Variants in TMEM181 observed in about 807,000 individuals in gnomAD.
The protein encoded by TMEM181 is G protein-coupled receptor 178.
TMEM181 carries 39 observed loss-of-function variants against 71.9 expected under a neutral mutation model. The ratio of observed to expected loss-of-function variants is 0.54; its 90% CI spans 0.42 to 0.71. The LOEUF (loss-of-function observed/expected upper bound fraction) is 0.71. Ranked by LOEUF, TMEM181 falls within the 30% of genes least tolerant of loss-of-function variation. The pLI is 0.00. For missense variants in TMEM181, 595 were observed against 583.0 expected, an observed-to-expected ratio of 1.02 and a Z score of -0.21; for synonymous variants, 245 against 228.8, an observed-to-expected ratio of 1.07 and a Z score of -0.64.
At chr6:158,600,509 G>A (rs1273352432) in intron 6 of TMEM181, among the ~76,000 whole-genome samples, 12 of 122,726 alleles carry the variant, frequency 9.8e-5, no homozygotes, top group African/African-American at 2.5e-4. Flanking sequence ...TTGCTCTGTC[G>A]CCCAGGCTAG....
chr6:158,554,920 G>GTGGGCGAAGATTT (rs931240871), intron 1 of TMEM181, among the ~76,000 whole-genome samples: 2 of 152,232 alleles, frequency 1.3e-5, no homozygotes, highest in Non-Finnish European at 1.5e-5. Context: ...AATGAAGATG[G>GTGGGCGAAGATTT]TGGGCGAAGA....
At chr6:158,539,432 G>A (rs1332904766) in intron 1 of TMEM181, among the ~76,000 whole-genome samples, 2 of 152,210 alleles carry the variant, frequency 1.3e-5, no homozygotes, top group Admixed American at 6.5e-5. Context: ...GCTGGAAGGT[G>A]AAATTGCTAC....
chr6:158,582,328 A>G (rs766061544), intron 3 of TMEM181, among the ~76,000 whole-genome samples: 1 of 152,202 alleles, frequency 6.6e-6, no homozygotes, highest in Non-Finnish European at 1.5e-5. Context: ...CCAAGAGACC[A>G]TCCTCACTTC....
chr6:158,570,431 CAG>C (rs1289692523), intron 1 of TMEM181, among the ~76,000 whole-genome samples: 4 of 150,866 alleles, frequency 2.7e-5, no homozygotes, highest in Non-Finnish European at 5.9e-5. Context: ...TCAGTAGAGA[CAG>C]GGTTTCACCG....
chr6:158,594,042 C>A (rs991806482), intron 6 of TMEM181, among the ~76,000 whole-genome samples: 2 of 151,728 alleles, frequency 1.3e-5, no homozygotes, highest in African/African-American at 4.8e-5. Context: ...GTTCATCCCT[C>A]CCTCCTCCTC....
chr6:158,578,390 GAC>G (rs764277649), intron 2 of TMEM181, among the ~76,000 whole-genome samples: 41 of 152,272 alleles, frequency 2.7e-4, no homozygotes, highest in Non-Finnish European at 2.1e-4. Flanking sequence ...TTATTTGAAA[GAC>G]ACATTTTTAA....
intron 10 of TMEM181, among the ~76,000 whole-genome samples, chr6:158,612,854 CCTA>C (rs1785411827): frequency 6.6e-6 from 1 of 152,304 alleles, no homozygotes; most frequent in Admixed American, 6.5e-5. Context: ...AGTACATAGT[CCTA>C]CTGCAAATAG....
At chr6:158,576,634 A>G (rs1783171091) in intron 2 of TMEM181, among the ~76,000 whole-genome samples, 1 of 152,154 alleles carries the variant, frequency 6.6e-6, no homozygotes, top group Non-Finnish European at 1.5e-5. Context: ...CCTCAGGCTG[A>G]TCCTTTGCAC....
upstream of TMEM181, among the ~76,000 whole-genome samples, chr6:158,556,075 G>C (rs1461031358): frequency 6.6e-6 from 1 of 152,152 alleles, no homozygotes; most frequent in Non-Finnish European, 1.5e-5. Context: ...AGAAACCAGA[G>C]TACTCAAACC....
intron 10 of TMEM181, among the ~76,000 whole-genome samples, chr6:158,613,415 G>A (rs1292320793): frequency 6.6e-6 from 1 of 152,160 alleles, no homozygotes; most frequent in Non-Finnish European, 1.5e-5. Context: ...TTCCATAGAA[G>A]GAATCAGATA....
exon 1 of TMEM181, chr6:158,536,781 T>C: frequency 6.4e-7 from 1 of 1,571,830 alleles, no homozygotes; most frequent in Non-Finnish European, 8.6e-7. Flanking sequence ...TGCAGCGAGC[T>C]CAAGCACCTG....
chr6:158,581,287 G>C (rs1783455958), intron 3 of TMEM181, among the ~76,000 whole-genome samples: 1 of 152,218 alleles, frequency 6.6e-6, no homozygotes, highest in South Asian at 2.1e-4. Flanking sequence ...CCTTGCCTCT[G>C]TAAGTCCTAT....
intron 1 of TMEM181, among the ~76,000 whole-genome samples, chr6:158,547,688 G>A (rs1028375642): frequency 1.3e-5 from 2 of 151,758 alleles, no homozygotes; most frequent in Non-Finnish European, 2.9e-5. Flanking sequence ...CCACCTCTTT[G>A]CACTGGATCT....
At chr6:158,605,225 T>G (rs746599121) in intron 6 of TMEM181, 42 bp from the exon 7 acceptor site, 22 of 1,485,598 alleles carry the variant, frequency 1.5e-5, no homozygotes, top group Non-Finnish European at 2.1e-5. Flanking sequence ...CTTAGATGCA[T>G]ATATATTTTT....
At chr6:158,609,447 C>CT (rs1241165431) in intron 10 of TMEM181, among the ~76,000 whole-genome samples, 1 of 152,132 alleles carries the variant, frequency 6.6e-6, no homozygotes, top group African/African-American at 2.4e-5. Flanking sequence ...TTGCTCCTAC[C>CT]TTGGAGCATT....
chr6:158,604,256 T>G (rs1432421510), intron 6 of TMEM181, among the ~76,000 whole-genome samples: 1 of 152,222 alleles, frequency 6.6e-6, no homozygotes, highest in Non-Finnish European at 1.5e-5. Flanking sequence ...CCTTGTTGTT[T>G]CCCATCAGTC....
chr6:158,630,428 G>A (rs1362040144), intron 15 of TMEM181, among the ~76,000 whole-genome samples: 2 of 152,006 alleles, frequency 1.3e-5, no homozygotes, highest in African/African-American at 4.8e-5. Context: ...CCCAAGAGGA[G>A]AGGCTGCAGT....
chr6:158,595,979 T>A (rs939014440), intron 6 of TMEM181, among the ~76,000 whole-genome samples: 3 of 152,188 alleles, frequency 2.0e-5, no homozygotes, highest in African/African-American at 2.4e-5. Flanking sequence ...TGGAGTGCAG[T>A]GGCGCGATCT....
chr6:158,624,090 T>C (rs1367731501), intron 11 of TMEM181, among the ~76,000 whole-genome samples: 2 of 152,246 alleles, frequency 1.3e-5, no homozygotes, highest in Non-Finnish European at 1.5e-5. Context: ...ATGTTTTTAC[T>C]CCCAGTCTTT....
Sources: allele counts gnomAD v4.1 joint callset (sites outside exome capture counted in the v4.1 genomes callset), GRCh38; gene constraint gnomAD v4.1.1; transcripts MANE v1.5; gene names NCBI Gene and HGNC (gene_info 2026-07-23, HGNC 2026-07-21).